NOMO2: variants seen among roughly 807,000 people sequenced by gnomAD.
The protein encoded by NOMO2 is BOS complex subunit NOMO2.
NOMO2 carries 14 observed loss-of-function variants against 67.1 expected under a neutral mutation model. The ratio of observed to expected loss-of-function variants is 0.21; its 90% CI spans 0.14 to 0.33. NOMO2 has a LOEUF of 0.33. Ranked by LOEUF, NOMO2 falls within the 10% of genes least tolerant of loss-of-function variation. NOMO2 has a pLI of 1.00. For missense variants in NOMO2, 178 were observed against 761.0 expected, an observed-to-expected ratio of 0.23 and a Z score of 9.01; for synonymous variants, 80 against 305.9, an observed-to-expected ratio of 0.26 and a Z score of 7.71.
At chr16:18,561,847 C>T in intron 1 of NOMO2, 29 bp downstream of exon 1, 1 of 1,543,828 alleles carries the variant, frequency 6.5e-7, no homozygotes, top group Non-Finnish European at 8.7e-7. Flanking sequence ...CCCGGCGACT[C>T]GGCGCCGGGC....
chr16:18,548,415 C>T (rs1374648526), intron 5 of NOMO2, among the ~76,000 whole-genome samples: 2 of 151,284 alleles, frequency 1.3e-5, no homozygotes, highest in Non-Finnish European at 2.9e-5. Flanking sequence ...AACTTACTGA[C>T]AGACTCATTA....
intron 5 of NOMO2, among the ~76,000 whole-genome samples, chr16:18,548,704 G>A (rs552579503): frequency 5.9e-5 from 9 of 152,098 alleles, no homozygotes; most frequent in African/African-American, 2.2e-4. Flanking sequence ...TAATATGCCA[G>A]GCAGCTTGAA....
chr16:18,544,648 C>T (rs1173316430), intron 6 of NOMO2, among the ~76,000 whole-genome samples: 2 of 152,074 alleles, frequency 1.3e-5, no homozygotes, highest in Admixed American at 6.6e-5. Context: ...TTTCCAATCA[C>T]GCAACAGTGC....
At chr16:18,528,000 G>A (rs1300037408) in intron 15 of NOMO2, 1 of 493,258 alleles carries the variant, frequency 2.0e-6, no homozygotes, top group Non-Finnish European at 4.0e-6. Flanking sequence ...AGCAAGAGAA[G>A]AACAATCCCC....
At chr16:18,549,357 T>C (rs1222766059) in intron 5 of NOMO2, among the ~76,000 whole-genome samples, 164 bp downstream of exon 5, 2 of 151,602 alleles carry the variant, frequency 1.3e-5, no homozygotes, top group African/African-American at 4.8e-5. Flanking sequence ...CCATTTCACA[T>C]GTGGGGAACT....
At chr16:18,530,009 G>A (rs1386729905) in intron 14 of NOMO2, among the ~76,000 whole-genome samples, 4 of 125,460 alleles carry the variant, frequency 3.2e-5, no homozygotes, top group Non-Finnish European at 5.3e-5. Context: ...CCAGCTACTC[G>A]GGAAGCTGAG....
At chr16:18,554,496 C>T (rs1283714650) in intron 3 of NOMO2, among the ~76,000 whole-genome samples, 1 of 151,608 alleles carries the variant, frequency 6.6e-6, no homozygotes, top group African/African-American at 2.4e-5. Context: ...GGACGGGAAC[C>T]AAGTCCCCAC....
chr16:18,531,711 T>C (rs1248911068), intron 12 of NOMO2, 104 bp from the exon 13 acceptor site: 2 of 1,563,456 alleles, frequency 1.3e-6, no homozygotes, highest in Non-Finnish European at 1.7e-6. Context: ...TAAAGAGATT[T>C]TGAAGGCCAA....
chr16:18,557,766 G>C lies in NOMO2; in HGVS notation c.191C>G (p.Thr64Ser). The C allele has an allele frequency of 6.2e-7, 1 of 1,608,628 alleles. No homozygotes were observed. The highest frequency in any genetic ancestry group is 8.5e-7 in the Non-Finnish European group (1 of 1,177,390). ...IEIKLYTKHG[T>S]LKYQTDCAPN... is the part of the protein sequence containing the mutation. ...GGCACAGTCTGTCTGGTATTTCAAAGTCCCATGCTTGGTGTACAGCTTTAT... is the reference window on the plus strand; with the variant it reads ...GGCACAGTCTGTCTGGTATTTCAAACTCCCATGCTTGGTGTACAGCTTTAT... Residue 64 changes from threonine to serine, a missense_variant, in exon 2 of 31, where the codon ACT (threonine) becomes AGT (serine). Physicochemically the swap from Thr to Ser is moderately conservative, Grantham distance 58 (BLOSUM62 1). Transcript: ENST00000622306.
chr16:18,560,182 A>G (rs1476799329), intron 1 of NOMO2, among the ~76,000 whole-genome samples: 2 of 151,964 alleles, frequency 1.3e-5, no homozygotes, highest in African/African-American at 4.8e-5. Context: ...TGGCAATGTA[A>G]TCTACATCAA....
intron 11 of NOMO2, among the ~76,000 whole-genome samples, chr16:18,535,298 C>T (rs964687244): frequency 1.9e-4 from 28 of 150,918 alleles, no homozygotes; most frequent in Non-Finnish European, 2.4e-4. Context: ...GCCTGGGCAA[C>T]GGAGTAAGAC....
rs1270103231 is a variant in NOMO2, at chr16:18,533,101, C to G, written c.1299G>C (p.Leu433=). Residue 433 remains leucine, a synonymous_variant, in exon 12 of 31, where the codon CTG becomes CTC. Coordinates refer to ENST00000622306, the MANE Select transcript of NOMO2 (RefSeq NM_173614.4). ...AAGACTTGTCCTTGTCTTGAGATGA[C>G]AGGACAACTTTGTATTTATTCATCT... ...VKQMNKYKVV[L]SSQDKDKSLV... The G allele has an allele frequency of 6.2e-7, 1 of 1,611,110 alleles. No homozygotes were observed. The highest frequency in any genetic ancestry group is 1.1e-5 in the South Asian group (1 of 90,882).
intron 4 of NOMO2, among the ~76,000 whole-genome samples, chr16:18,550,301 G>A (rs1901752401): frequency 6.9e-6 from 1 of 144,616 alleles, no homozygotes; most frequent in Non-Finnish European, 1.5e-5. Context: ...CCCAGGAGGT[G>A]GAGGTTGTGG....
chr16:18,547,691 AT>A (rs1901683762), intron 5 of NOMO2, among the ~76,000 whole-genome samples: 1 of 151,816 alleles, frequency 6.6e-6, no homozygotes. Context: ...AAGGAAACAC[AT>A]GGGAAGGGAG....
intron 15 of NOMO2, among the ~76,000 whole-genome samples, chr16:18,528,623 G>A (rs959380241): frequency 1.3e-5 from 2 of 151,778 alleles, no homozygotes; most frequent in Non-Finnish European, 2.9e-5. Flanking sequence ...AAGAAGCTAA[G>A]ATCCTGTTTA....
chr16:18,559,557 T>C (rs1901990648), intron 1 of NOMO2, among the ~76,000 whole-genome samples: 1 of 152,070 alleles, frequency 6.6e-6, no homozygotes, highest in African/African-American at 2.4e-5. Context: ...TAAAGTTCTC[T>C]GAGGTCAGTG....
rs2141715734 is a variant in NOMO2 at position 18,527,383 on chromosome 16, C to A, written c.1894+154G>T. On this transcript the variant is annotated intron_variant, in intron 16 of 30. Coordinates refer to ENST00000622306, the MANE Select transcript of NOMO2 (RefSeq NM_173614.4). ...CCCAGTGGTGTCTACCCAACTCAAA[C>A]CCAAGACAGACAGAAAAACAAGAGC... Among the ~76,000 whole-genome samples, 3 of 148,302 alleles carry A rather than the reference C, an allele frequency of 2.0e-5. No individual in the cohort carries two copies. The South Asian group carries it at 6.6e-4, about 32-fold the overall frequency.
At chr16:18,555,205 C>T (rs543287825) in intron 2 of NOMO2, among the ~76,000 whole-genome samples, 36 of 151,488 alleles carry the variant, frequency 2.4e-4, no homozygotes, top group Admixed American at 2.0e-3. Flanking sequence ...CACAAGTTAG[C>T]ATGTATCTTC....
intron 6 of NOMO2, among the ~76,000 whole-genome samples, chr16:18,545,118 T>C (rs147865846): frequency 0.021 from 3,041 of 141,856 alleles, 1 homozygote; most frequent in African/African-American, 0.076. Context: ...TTTTTTGAGA[T>C]GGAGTCTCAC....
Sources: gnomAD v4.1 joint callset for allele counts (sites outside exome capture counted in the v4.1 genomes callset) on GRCh38, gnomAD v4.1.1 for gene constraint, MANE v1.5 for transcripts, NCBI Gene and HGNC (gene_info 2026-07-23, HGNC 2026-07-21) for gene names.